The following KHDRBS3 variants were observed in gnomAD, a reference collection of about 807,000 sequenced individuals.
KHDRBS3 encodes KH RNA binding domain containing, signal transduction associated 3, also known as KH domain-containing, RNA-binding, signal transduction-associated protein 3.
Under a neutral mutation model 45.6 loss-of-function variants are expected in KHDRBS3, and 23 were observed. The observed-to-expected ratio is 0.50, with a 90% CI of 0.36 to 0.72. The LOEUF (loss-of-function observed/expected upper bound fraction) is 0.72. KHDRBS3 is among the 30% of genes least tolerant of loss of function. The probability of loss-of-function intolerance (pLI) is 0.00; values close to 1 mark genes in which losing one functional copy is unlikely to be tolerated. For missense variants in KHDRBS3, 352 were observed against 424.8 expected (o/e 0.83, Z 1.51); for synonymous variants, 162 against 156.5 (o/e 1.04, Z -0.26).
At position 135,647,245 on chromosome 8, in the gene KHDRBS3, G is replaced by GA. The variant is rs34118572; in HGVS notation, c.*176dup. ...CTTTGTTGAAACATCAACCTGGGCA[G>GA]AAAAAAAAAAAAAAAGACATGTAAA... On this transcript the variant is annotated 3_prime_UTR_variant, in exon 9 of 9. Coordinates refer to ENST00000355849, the MANE Select transcript of KHDRBS3 (RefSeq NM_006558.3). The GA allele has an allele frequency of 0.49, 94,469 of 193,232 alleles. 19,539 individuals are homozygous for GA. The highest frequency in any genetic ancestry group is 0.62 in the South Asian group (2,875 of 4,664). 12.0% of individuals were successfully genotyped at this position (193,232 alleles called of 1,614,324 possible). A position where few individuals can be genotyped will look rare whatever the true frequency, so the allele number is the denominator to read the frequency against.
intron 4 of KHDRBS3, among the ~76,000 whole-genome samples, chr8:135,653,302 G>T (rs931437705): frequency 1.3e-5 from 2 of 152,094 alleles, no homozygotes; most frequent in Admixed American, 1.3e-4. Flanking sequence ...CACACTGCCT[G>T]GCACATAGAC....
intron 7 of KHDRBS3, among the ~76,000 whole-genome samples, chr8:135,618,880 T>C (rs772615853): frequency 6.6e-6 from 1 of 152,312 alleles, no homozygotes; most frequent in Non-Finnish European, 1.5e-5. Flanking sequence ...AATTTGTGAT[T>C]GTGTTTTATG....
chr8:135,641,003 C>G (rs933120713), intron 7 of KHDRBS3, among the ~76,000 whole-genome samples: 1 of 152,088 alleles, frequency 6.6e-6, no homozygotes, highest in Non-Finnish European at 1.5e-5. Flanking sequence ...CCCAGCTCCT[C>G]GGCTTGATGA....
At chr8:135,617,363 C>T (rs575073482) in intron 7 of KHDRBS3, among the ~76,000 whole-genome samples, 5 of 151,978 alleles carry the variant, frequency 3.3e-5, no homozygotes, top group South Asian at 2.1e-4. Context: ...CTGCAACCTC[C>T]GTCTCCTAGG....
At chr8:135,542,862 G>A in intron 3 of KHDRBS3, 92 bp downstream of exon 3, 1 of 869,574 alleles carries the variant, frequency 1.1e-6, no homozygotes, top group Non-Finnish European at 1.8e-6. Flanking sequence ...AGTTACATAA[G>A]GGGATGTATT....
intron 3 of KHDRBS3, among the ~76,000 whole-genome samples, chr8:135,547,261 T>C (rs1366779391): frequency 6.6e-6 from 1 of 152,206 alleles, no homozygotes; most frequent in Non-Finnish European, 1.5e-5. Context: ...TTTCCTTTCA[T>C]TCAGTTTCTG....
At chr8:135,483,219 A>G (rs1822675666) in intron 1 of KHDRBS3, among the ~76,000 whole-genome samples, 1 of 152,208 alleles carries the variant, frequency 6.6e-6, no homozygotes, top group South Asian at 2.1e-4. Flanking sequence ...GTTGCTGATT[A>G]TATTTATGGA....
downstream of KHDRBS3, chr8:135,648,508 A>G (rs1420246369): frequency 6.6e-6 from 1 of 152,236 alleles, no homozygotes; most frequent in Non-Finnish European, 1.5e-5. Flanking sequence ...TTTTCTGTTT[A>G]TGTTGAGTAA....
At chr8:135,545,876 G>A (rs1431086493) in intron 3 of KHDRBS3, among the ~76,000 whole-genome samples, 1 of 152,168 alleles carries the variant, frequency 6.6e-6, no homozygotes, top group Admixed American at 6.5e-5. Flanking sequence ...GGTGGCTCAT[G>A]CCTGTAATCC....
At chr8:135,534,093 A>G (rs1214339061) in intron 2 of KHDRBS3, among the ~76,000 whole-genome samples, 1 of 151,422 alleles carries the variant, frequency 6.6e-6, no homozygotes, top group Non-Finnish European at 1.5e-5. Context: ...CTGTATCCAA[A>G]CATTTTTTAA....
intron 3 of KHDRBS3, 35 bp downstream of exon 3, chr8:135,542,805 A>T (rs779148625): frequency 7.6e-7 from 1 of 1,322,394 alleles, no homozygotes; most frequent in East Asian, 2.3e-5. Context: ...TAAGTTGTGT[A>T]TCATGTTATA....
intron 2 of KHDRBS3, among the ~76,000 whole-genome samples, chr8:135,532,840 G>A (rs564542553): frequency 6.6e-6 from 1 of 152,232 alleles, no homozygotes; most frequent in South Asian, 2.1e-4. Flanking sequence ...TCTAAGTCCA[G>A]TTATATGCAC....
intron 5 of KHDRBS3, 120 bp downstream of exon 5, chr8:135,557,707 C>G: frequency 1.3e-6 from 1 of 759,888 alleles, no homozygotes; most frequent in Admixed American, 2.3e-5. Flanking sequence ...CATGGTGGCA[C>G]ATGCCTGTAG....
At chr8:135,595,731 TG>T (rs1827052171) in intron 6 of KHDRBS3, among the ~76,000 whole-genome samples, 1 of 152,192 alleles carries the variant, frequency 6.6e-6, no homozygotes, top group South Asian at 2.1e-4. Context: ...GAGGGGCTGT[TG>T]TTCTCAAGGA....
chr8:135,467,188 CTA>C (rs1454107949), intron 1 of KHDRBS3, among the ~76,000 whole-genome samples: 1 of 152,196 alleles, frequency 6.6e-6, no homozygotes, highest in Non-Finnish European at 1.5e-5. Context: ...TTTAATTTCA[CTA>C]TAAATTTTTA....
chr8:135,594,384 CA>C (rs542187214), intron 6 of KHDRBS3, among the ~76,000 whole-genome samples: 131 of 152,256 alleles, frequency 8.6e-4, no homozygotes, highest in Admixed American at 3.7e-3. Flanking sequence ...AGTTGGGAGC[CA>C]AACTGACTTT....
chr8:135,480,112 C>T (rs150312661), intron 1 of KHDRBS3, among the ~76,000 whole-genome samples: 26 of 122,960 alleles, frequency 2.1e-4, no homozygotes, highest in African/African-American at 5.9e-4. Context: ...AAATTCTGAC[C>T]ACTTTCATGA....
rs751427739 is a variant in KHDRBS3, at chr8:135,572,207, A to G, written c.612-9671A>G. Among the ~76,000 whole-genome samples, 7 of 152,326 alleles carry G rather than the reference A, an allele frequency of 4.6e-5. No homozygotes were observed. The East Asian group carries it at 7.7e-4, about 17-fold the overall frequency. ...TGAAGGAAAAAAGTAAAAGCATGCT[A>G]AAAATCAGAATTGGAAGACAGTGGG... On this transcript the variant is annotated intron_variant, in intron 5 of 8. Coordinates refer to ENST00000355849, the MANE Select transcript of KHDRBS3 (RefSeq NM_006558.3).
chr8:135,560,550 A>G (rs1827120540), intron 5 of KHDRBS3, among the ~76,000 whole-genome samples: 1 of 152,146 alleles, frequency 6.6e-6, no homozygotes, highest in South Asian at 2.1e-4. Context: ...ACTGAATATA[A>G]TTTATAATTC....
Sources: gnomAD v4.1 joint callset for allele counts (sites outside exome capture counted in the v4.1 genomes callset) on GRCh38, gnomAD v4.1.1 for gene constraint, MANE v1.5 for transcripts, NCBI Gene and HGNC (gene_info 2026-07-23, HGNC 2026-07-21) for gene names.